Variants in ZNF844 observed in about 807,000 individuals in gnomAD.
The protein encoded by ZNF844 is zinc finger protein 844.
A neutral mutation model predicts 11.4 loss-of-function variants in ZNF844; 11 were observed. The ratio of observed to expected loss-of-function variants is 0.97; its 90% CI spans 0.61 to 1.60. ZNF844 has a LOEUF of 1.60. ZNF844 is among the 40% of genes most tolerant of loss of function. ZNF844 has a pLI of 0.00. For synonymous variants in ZNF844, 248 were observed against 260.3 expected (o/e 0.95, Z 0.46); for missense variants, 790 against 796.8 (o/e 0.99, Z 0.10).
chr19:12,073,702 A>C (rs8104886), intron 1 of ZNF844, among the ~76,000 whole-genome samples: 4 of 152,042 alleles, frequency 2.6e-5, no homozygotes, highest in African/African-American at 9.7e-5. Context: ...TCTGCAGGTG[A>C]ATTTAGAGGA....
chr19:12,077,105 G>T lies in ZNF844; in HGVS notation c.1985G>T (p.Gly662Val), dbSNP rs752351517. Reference protein sequence around the residue: ...VCLVPFVDIKGLTLE With the variant: ...VCLVPFVDIKVLTLE ...CTGGTTCCTTTCGTAGACATAAAAG[G>T]GCTCACACTGGAGTGAAACCGTATG... Residue 662 changes from glycine (G) to valine (V), a missense_variant, in exon 4 of 4, where the codon GGG becomes GTG. Physicochemically the swap from Gly to Val is moderately radical, Grantham distance 109 (BLOSUM62 -3). Transcript: ENST00000439326. The T allele has an allele frequency of 1.9e-6, 3 of 1,597,038 alleles. No individual in the cohort carries two copies. The highest frequency in any genetic ancestry group is 2.6e-6 in the Non-Finnish European group (3 of 1,171,312).
chr19:12,077,156 C>CA lies in ZNF844; in HGVS notation c.*36dup. On this transcript the variant is annotated 3_prime_UTR_variant, in exon 4 of 4. Coordinates refer to ENST00000439326, the MANE Select transcript of ZNF844 (RefSeq NM_001136501.3). ...AATGCAAGGAATGTGGCAAAGCCTT[C>CA]ACTTCTTCTGGTTCCTTTCAGTGTC... 2 of 1,603,390 alleles carry CA rather than the reference C, an allele frequency of 1.2e-6. No homozygotes were observed. The highest frequency in any genetic ancestry group is 1.7e-6 in the Non-Finnish European group (2 of 1,175,008).
At chr19:12,067,777 G>A (rs151245633) in intron 1 of ZNF844, among the ~76,000 whole-genome samples, 366 of 151,324 alleles carry the variant, frequency 2.4e-3, no homozygotes, top group Admixed American at 3.8e-3. Flanking sequence ...TTAGCCGGGC[G>A]TGGTAGTGGG....
rs377408590 is a variant in ZNF844 at position 12,076,808 on chromosome 19, T to A, written c.1688T>A (p.Met563Lys). The change falls in exon 4 of 4, where the codon ATG becomes AAG. Residue 563 changes from methionine (M) to lysine (K), a missense_variant. This residue lies in a region of ZNF844 where 657 missense variants were observed against 636.2 expected (regional missense o/e 1.03). Transcript: ENST00000439326. ...HTLERNPIRN[M>K]EKHSTISLPF... ...CTGGAGAGAAACCCTATAAGGAATATGGAAAAGCATTCAACAATTTCTCTT... is the reference window on the plus strand; with the variant it reads ...CTGGAGAGAAACCCTATAAGGAATAAGGAAAAGCATTCAACAATTTCTCTT... 5.1e-6 allele frequency: 8 copies of A among 1,561,980 alleles called. No homozygotes were observed. The highest frequency in any genetic ancestry group is 6.9e-6 in the Non-Finnish European group (8 of 1,152,616).
At position 12,076,993 on chromosome 19, in the gene ZNF844, A is replaced by G. The variant is rs1257120414; in HGVS notation, c.1873A>G (p.Ile625Val). 6.3e-7 allele frequency: 1 copy of G among 1,598,606 alleles called. No individual in the cohort carries two copies. The highest frequency in any genetic ancestry group is 1.4e-5 in the African/African-American group (1 of 74,072). Reference protein sequence around the residue: ...NVRNAEKRSIIFLLCVYTKGC... With the variant: ...NVRNAEKRSIVFLLCVYTKGC... ...AAGGAATGCGGAAAAGCGTTCAATT[A>G]TTTTTCTTCTTTGCGTATACACAAA... The change falls in exon 4 of 4, where the codon ATT (isoleucine) becomes GTT (valine). Residue 625 changes from isoleucine (I) to valine (V), a missense_variant. Around this residue, in one of 3 missense-constraint regions of ZNF844, gnomAD observed 657 missense variants for 636.2 expected, o/e 1.03. Coordinates refer to ENST00000439326, the MANE Select transcript of ZNF844 (RefSeq NM_001136501.3).
At chr19:12,067,387 A>C (rs1009091555) in intron 1 of ZNF844, among the ~76,000 whole-genome samples, 1 of 146,208 alleles carries the variant, frequency 6.8e-6, no homozygotes. Context: ...CGGGTCGGGC[A>C]ATCACCTGAG....
intron 1 of ZNF844, among the ~76,000 whole-genome samples, chr19:12,065,148 C>T (rs1040273784): frequency 2.0e-5 from 3 of 152,098 alleles, no homozygotes; most frequent in African/African-American, 7.2e-5. Context: ...AGCTCCGCGC[C>T]CGCAGCCCGG....
At chr19:12,066,617 G>A (rs573624869) in intron 1 of ZNF844, among the ~76,000 whole-genome samples, 1 of 148,004 alleles carries the variant, frequency 6.8e-6, no homozygotes, top group African/African-American at 2.5e-5. Flanking sequence ...CGCGATCTCG[G>A]CTCACTGCAA....
In ZNF844 at chr19:12,081,423, AAAC is replaced by A. The variant is rs1369680820; in HGVS notation, c.*4305_*4307del. On this transcript the variant is annotated 3_prime_UTR_variant, in exon 4 of 4. Transcript: ENST00000439326. ...ATTATGTTTGATTATATTTGATTAA[AAAC>A]AATAATTTTTTTGGCAACCAAGATT... The A allele has an allele frequency of 1.3e-5, 2 of 152,234 alleles. No homozygotes were observed. Among genetic ancestry groups the A allele is most frequent in the African/African-American group, 2.4e-5 (1 of 41,472 alleles). The allele number at this position is 152,234 out of a possible 1,614,324, so 9.4% of individuals were successfully genotyped here. A position where few individuals can be genotyped will look rare whatever the true frequency, so the allele number is the denominator to read the frequency against.
Position 12,064,775 on chromosome 19 carries a change from C to G in ZNF844, c.-99C>G, listed in dbSNP as rs1179287377. The G allele has an allele frequency of 7.2e-6, 10 of 1,382,974 alleles. No individual in the cohort carries two copies. The Admixed American group carries it at 2.3e-4, about 31-fold the overall frequency. 85.7% of individuals were successfully genotyped at this position (1,382,974 alleles called of 1,614,324 possible). ...CGGGTGAGGTTGGCACCCCGTTTTT[C>G]CTGCTCTGAGAGGGACCGGTTGCCA... On this transcript the variant is annotated 5_prime_UTR_variant, in exon 1 of 4. Coordinates refer to ENST00000439326, the MANE Select transcript of ZNF844 (RefSeq NM_001136501.3).
At chr19:12,070,036 T>C (rs1365321642) in intron 1 of ZNF844, 2 of 136,784 alleles carry the variant, frequency 1.5e-5, no homozygotes, top group Non-Finnish European at 3.0e-5. Context: ...GGCGGGAGGA[T>C]AGCTTGAGCC....
intron 1 of ZNF844, among the ~76,000 whole-genome samples, chr19:12,069,676 C>T (rs1241481246): frequency 6.6e-6 from 1 of 150,492 alleles, no homozygotes; most frequent in Non-Finnish European, 1.5e-5. Context: ...TATTTTAGGC[C>T]AGGTGCGGTG....
chr19:12,076,825 A>G lies in ZNF844; in HGVS notation c.1705A>G (p.Ile569Val), dbSNP rs774735439. The change falls in exon 4 of 4, where the codon ATT becomes GTT. Residue 569 changes from isoleucine (I) to valine (V), a missense_variant. Ile to Val is a conservative substitution (Grantham distance 29). Around this residue, in one of 3 missense-constraint regions of ZNF844, gnomAD observed 657 missense variants for 636.2 expected, o/e 1.03. Coordinates refer to ENST00000439326, the MANE Select transcript of ZNF844 (RefSeq NM_001136501.3). ...AAGGAATATGGAAAAGCATTCAACA[A>G]TTTCTCTTCCTTTCAAATACATGCA... ...PIRNMEKHST[I>V]SLPFKYMQQC... 3.2e-6 allele frequency: 5 copies of G among 1,560,062 alleles called. No homozygotes were observed. The highest frequency in any genetic ancestry group is 1.4e-5 in the African/African-American group (1 of 73,038).
At chr19:12,074,256 A>C (rs76952687) in intron 2 of ZNF844, 99 bp downstream of exon 2, 1 of 1,552,668 alleles carries the variant, frequency 6.4e-7, no homozygotes. Context: ...CAATACTTTG[A>C]TGAATAAATG....
chr19:12,072,431 A>AT lies in ZNF844; in HGVS notation c.4-1586dup, dbSNP rs56105048. Reference sequence around the variant, plus strand: ...CCCAGAAATGGGTTGCTGGAAGAAAATTTTTTTTTTTTTTGCTAGTTTTTC... The same window carrying AT: ...CCCAGAAATGGGTTGCTGGAAGAAAATTTTTTTTTTTTTTTGCTAGTTTTTC... On this transcript the variant is annotated intron_variant, in intron 1 of 3. Coordinates refer to ENST00000439326, the MANE Select transcript of ZNF844 (RefSeq NM_001136501.3). Among the ~76,000 whole-genome samples the AT allele has an allele frequency of 2.8e-3, 409 of 144,946 alleles. No individual in the cohort carries two copies. In the Middle Eastern group the frequency reaches 0.049, roughly 17 times the overall value.
chr19:12,075,320 T>C lies in ZNF844; in HGVS notation c.200T>C (p.Leu67Pro). The C allele has an allele frequency of 7.0e-7, 1 of 1,438,156 alleles. No individual in the cohort carries two copies. The highest frequency in any genetic ancestry group is 9.1e-7 in the Non-Finnish European group (1 of 1,093,162). The allele number at this position is 1,438,156 out of a possible 1,614,324, so 89.1% of individuals were successfully genotyped here. The change falls in exon 4 of 4, where the codon CTG (leucine) becomes CCG (proline). Residue 67 changes from leucine to proline, a missense_variant. Around this residue, in one of 3 missense-constraint regions of ZNF844, gnomAD observed 129 missense variants for 144.0 expected, o/e 0.90. Coordinates refer to ENST00000439326, the MANE Select transcript of ZNF844 (RefSeq NM_001136501.3). ...KNPRNNLRSL[L>P]GERVDENTEE... ...TTTCTCATTTTTCACAGAAGTCTTC[T>C]GGGAGAGAGAGTTGATGAAAATACA...
chr19:12,070,202 T>G (rs1050368662), intron 1 of ZNF844: 8 of 151,306 alleles, frequency 5.3e-5, no homozygotes, highest in African/African-American at 1.9e-4. Flanking sequence ...CTATTCTCTG[T>G]AGCTAAGCAG....
chr19:12,076,341 C>T lies in ZNF844; in HGVS notation c.1221C>T (p.Phe407=). The T allele has an allele frequency of 6.2e-7, 1 of 1,613,772 alleles. No individual in the cohort carries two copies. Among genetic ancestry groups the T allele is most frequent in the Non-Finnish European group, 8.5e-7 (1 of 1,179,816 alleles). The change falls in exon 4 of 4, where the codon TTC becomes TTT. Residue 407 remains phenylalanine, a synonymous_variant. Transcript: ENST00000439326. ...AGCCTTCAATCGTTCCAGTTCCTTTCACTATCATGAAAGGACTCACACTGG... is the reference window on the plus strand; with the variant it reads ...AGCCTTCAATCGTTCCAGTTCCTTTTACTATCATGAAAGGACTCACACTGG... ...VVKPSIVPVP[F]TIMKGLTLER... is the part of the protein sequence containing the mutation.
chr19:12,078,019 C>T lies in ZNF844; in HGVS notation c.*898C>T, dbSNP rs74993864. 863 of 168,254 alleles carry T rather than the reference C, an allele frequency of 5.1e-3. 18 individuals carry two copies. The East Asian group carries it at 0.061, about 12-fold the overall frequency. 10.4% of individuals were successfully genotyped at this position (168,254 alleles called of 1,614,324 possible). On this transcript the variant is annotated 3_prime_UTR_variant, in exon 4 of 4. Transcript: ENST00000439326. ...GATTTTTTGTATTTTTTAGTAGAGA[C>T]GGAGTTTCATCGTGTTAGCCAGGAT... is the stretch of plus-strand genomic sequence containing the variant.
Sources: allele counts gnomAD v4.1 joint callset (sites outside exome capture counted in the v4.1 genomes callset), GRCh38; gene constraint gnomAD v4.1.1; regional missense constraint gnomAD v4.1.1; transcripts MANE v1.5; gene names NCBI Gene and HGNC (gene_info 2026-07-23, HGNC 2026-07-21).